The following MYBPC2 variants were observed in gnomAD, a reference collection of about 807,000 sequenced individuals.
MYBPC2 encodes the protein myosin binding protein C2.
A neutral mutation model predicts 137.0 loss-of-function variants in MYBPC2; 122 were observed. The observed-to-expected ratio is 0.89, with a 90% CI of 0.77 to 1.03. The LOEUF (loss-of-function observed/expected upper bound fraction) is 1.03, where lower values mean the gene tolerates loss of function less well. Ranked by LOEUF, MYBPC2 falls within the 50% of genes least tolerant of loss-of-function variation. The pLI is 0.00. For synonymous variants in MYBPC2, 626 were observed against 612.3 expected (o/e 1.02, Z -0.33); for missense variants, 1,500 against 1,534.4 (o/e 0.98, Z 0.37).
At chr19:50,437,773 G>A (rs1237808958) in intron 7 of MYBPC2, 55 bp downstream of exon 7, 10 of 1,551,926 alleles carry the variant, frequency 6.4e-6, no homozygotes, top group Non-Finnish European at 7.0e-6. Flanking sequence ...GGAGGAGGTG[G>A]TGGGTGAAGC....
chr19:50,464,255 T>C (rs1341538065), intron 26 of MYBPC2, 91 bp from the exon 27 acceptor site: 1 of 1,218,192 alleles, frequency 8.2e-7, no homozygotes, highest in South Asian at 1.5e-5. Flanking sequence ...TGGCAGAGCC[T>C]AGAACCCAGA....
chr19:50,458,196 G>C (rs888259971), intron 20 of MYBPC2, among the ~76,000 whole-genome samples: 3 of 151,246 alleles, frequency 2.0e-5, no homozygotes, highest in African/African-American at 7.3e-5. Flanking sequence ...TGTAGTCCCA[G>C]CTACTCAGGA....
chr19:50,460,612 T>C (rs1033107245), intron 24 of MYBPC2, among the ~76,000 whole-genome samples: 4 of 152,338 alleles, frequency 2.6e-5, no homozygotes, highest in East Asian at 1.9e-4. Context: ...ATGTGACCCT[T>C]GTGTCTGACT....
chr19:50,460,307 G>A (rs2039960900), intron 24 of MYBPC2, 128 bp downstream of exon 24: 2 of 1,336,446 alleles, frequency 1.5e-6, no homozygotes, highest in South Asian at 3.1e-5. Context: ...GGGCCAGGAG[G>A]GAAGCCTTTT....
intron 20 of MYBPC2, among the ~76,000 whole-genome samples, chr19:50,456,375 T>C: frequency 1.2e-5 from 1 of 82,794 alleles, no homozygotes; most frequent in African/African-American, 7.8e-5. Flanking sequence ...TGTCCATCCA[T>C]CTATCCATCC....
At chr19:50,440,766 C>A in intron 7 of MYBPC2, 114 bp from the exon 8 acceptor site, 1 of 1,048,368 alleles carries the variant, frequency 9.5e-7, no homozygotes, top group Non-Finnish European at 1.4e-6. Context: ...AACAATAAGA[C>A]CCCTAAAGGG....
intron 1 of MYBPC2, among the ~76,000 whole-genome samples, 194 bp from the exon 2 acceptor site, chr19:50,434,967 G>A (rs1364326635): frequency 6.8e-6 from 1 of 148,008 alleles, no homozygotes; most frequent in Non-Finnish European, 1.5e-5. Context: ...TACCTAGGGT[G>A]GGGGCCTGGA....
At chr19:50,452,407 C>T (rs2039866691) in intron 16 of MYBPC2, among the ~76,000 whole-genome samples, 1 of 150,876 alleles carries the variant, frequency 6.6e-6, no homozygotes. Context: ...CATTTACCCA[C>T]TTCAATCTAT....
In MYBPC2 at chr19:50,451,943, G is replaced by A. The variant is rs781768213; in HGVS notation, c.1689G>A (p.Arg563=). ...TGGTTGTGGCTGGAAACAAGCTGAG[G>A]CTTGACGTGTCCATCACAGGGGAGC... is the stretch of plus-strand genomic sequence containing the variant. The part of the protein sequence containing the change: ...AIVVVAGNKL[R]LDVSITGEPP... Residue 563 remains arginine (R), a synonymous_variant, in exon 16 of 28, where the codon AGG becomes AGA. Transcript: ENST00000357701. 4.5e-6 allele frequency: 7 copies of A among 1,565,186 alleles called. No homozygotes were observed.
chr19:50,450,910 G>A lies in MYBPC2; in HGVS notation c.1554G>A (p.Ser518=), dbSNP rs1267563791. The A allele has an allele frequency of 8.3e-6, 13 of 1,572,294 alleles. No individual in the cohort carries two copies. Among genetic ancestry groups the A allele is most frequent in the Admixed American group, 5.6e-5 (3 of 53,832 alleles). The part of the protein sequence containing the change: ...YTFVPDGYAL[S]LSAKLNFLEI... ...TTGTGCCTGACGGCTACGCCCTGTCGCTCTCGGCCAAGCTCAACTTCCTGG... is the reference window on the plus strand; with the variant it reads ...TTGTGCCTGACGGCTACGCCCTGTCACTCTCGGCCAAGCTCAACTTCCTGG... Residue 518 remains serine (S), a synonymous_variant, in exon 14 of 28, where the codon TCG becomes TCA. Coordinates refer to ENST00000357701, the MANE Select transcript of MYBPC2 (RefSeq NM_004533.4).
At position 50,465,813 on chromosome 19, in the gene MYBPC2, C is replaced by A. The variant is rs1205432105; in HGVS notation, c.3416-382C>A. ...TGAGCTGAGATGGCACCACTGCACTCCAGCCTGGTGCAACAGAGTGAGACT... is the reference window on the plus strand; with the variant it reads ...TGAGCTGAGATGGCACCACTGCACTACAGCCTGGTGCAACAGAGTGAGACT... On this transcript the variant is annotated intron_variant, in intron 27 of 27. Transcript: ENST00000357701. The surrounding 1 kb of genome is among the most constrained non-coding windows in gnomAD (Gnocchi z 4.5). 6.6e-6 allele frequency among the ~76,000 whole-genome samples: 1 copy of A among 152,144 alleles called. No individual in the cohort carries two copies. Among genetic ancestry groups the A allele is most frequent in the East Asian group, 1.9e-4 (1 of 5,192 alleles).
chr19:50,454,631 G>A (rs1021474831), intron 18 of MYBPC2, among the ~76,000 whole-genome samples: 3 of 151,726 alleles, frequency 2.0e-5, no homozygotes, highest in Non-Finnish European at 4.4e-5. Context: ...TTACCATGTT[G>A]GCCAGGCTGG....
chr19:50,449,260 G>A (rs1318244597), intron 13 of MYBPC2, among the ~76,000 whole-genome samples: 1 of 152,152 alleles, frequency 6.6e-6, no homozygotes, highest in Non-Finnish European at 1.5e-5. Flanking sequence ...GATCCAGGAT[G>A]GCCTCGTTCT....
chr19:50,463,871 G>A (rs1324422853), intron 26 of MYBPC2, among the ~76,000 whole-genome samples: 1 of 151,720 alleles, frequency 6.6e-6, no homozygotes, highest in African/African-American at 2.4e-5. Context: ...CCCGGGAGGT[G>A]GAGGTTACAG....
At chr19:50,451,176 C>A in intron 14 of MYBPC2, 104 bp from the exon 15 acceptor site, 1 of 1,437,892 alleles carries the variant, frequency 7.0e-7, no homozygotes. Flanking sequence ...CCCCAGTTCC[C>A]AGGGAGACTG....
At chr19:50,462,600 T>C (rs1351619416) in intron 26 of MYBPC2, among the ~76,000 whole-genome samples, 1 of 151,464 alleles carries the variant, frequency 6.6e-6, no homozygotes, top group Non-Finnish European at 1.5e-5. Flanking sequence ...TTCTTTCTTT[T>C]TTTTTCTTTC....
In MYBPC2 at chr19:50,447,863, A is replaced by T. The variant is rs371288522; in HGVS notation, c.1307-362A>T. ...CAAGAGTGAAACTCCATCTCAAAAAAAAATAAATAAATAAAATAAAATAAA... is the reference window on the plus strand; with the variant it reads ...CAAGAGTGAAACTCCATCTCAAAAATAAATAAATAAATAAAATAAAATAAA... On this transcript the variant is annotated intron_variant, in intron 12 of 27. Coordinates refer to ENST00000357701, the MANE Select transcript of MYBPC2 (RefSeq NM_004533.4). Among the ~76,000 whole-genome samples the T allele has an allele frequency of 3.0e-3, 454 of 152,252 alleles. 2 individuals are homozygous for T. The highest frequency in any genetic ancestry group is 8.6e-3 in the African/African-American group (356 of 41,544).
Position 50,436,697 on chromosome 19 carries a change from C to T in MYBPC2, c.426C>T (p.Asp142=). The change falls in exon 5 of 28, where the codon GAC becomes GAT. Residue 142 remains aspartate (D), a synonymous_variant. Coordinates refer to ENST00000357701, the MANE Select transcript of MYBPC2 (RefSeq NM_004533.4). ...ACCGCCTCGAGGTCAAAGCCAAGGACACCTGTGACAGCTGTGGCTTCAACA... is the reference window on the plus strand; with the variant it reads ...ACCGCCTCGAGGTCAAAGCCAAGGATACCTGTGACAGCTGTGGCTTCAACA... ...GYYRLEVKAK[D]TCDSCGFNID... 1.9e-6 allele frequency: 3 copies of T among 1,613,886 alleles called. No individual in the cohort carries two copies. The highest frequency in any genetic ancestry group is 2.5e-6 in the Non-Finnish European group (3 of 1,179,826).
rs757263482 is a variant in MYBPC2 at position 50,460,167 on chromosome 19, CA to C, written c.2926del (p.Thr976ProfsTer76). The C allele has an allele frequency of 8.1e-6, 13 of 1,599,434 alleles. No homozygotes were observed. The highest frequency in any genetic ancestry group is 2.3e-5 in the South Asian group (2 of 88,372). On this transcript the variant is annotated frameshift_variant, in exon 24 of 28. Transcript: ENST00000357701. LOFTEE classifies it high-confidence loss of function. ...TGGGGTATTTCGTCCAGAAAGCAGA[CA>C]AAAAAACCATGGTGAGAGAGCAGAG... is the stretch of plus-strand genomic sequence containing the variant. Reference protein sequence around the residue: ...IMGYFVQKADKKTMEWFNVYE... With the variant: ...IMGYFVQKADXKTMEWFNVYE...
Sources: gnomAD v4.1 joint callset for allele counts (sites outside exome capture counted in the v4.1 genomes callset) on GRCh38, gnomAD v4.1.1 for gene constraint, Gnocchi (gnomAD v3.1) non-coding constraint, MANE v1.5 for transcripts, NCBI Gene and HGNC (gene_info 2026-07-23, HGNC 2026-07-21) for gene names.